Variants in ACSM2B observed in about 807,000 individuals in gnomAD.
ACSM2B encodes the protein acyl-coenzyme A synthetase ACSM2B, mitochondrial.
In ACSM2B, 58 loss-of-function variants were observed where a neutral mutation model predicts 78.6. That is an observed-to-expected ratio of 0.74 (90% CI 0.60 to 0.92). ACSM2B has a LOEUF of 0.92. ACSM2B is among the 40% of genes least tolerant of loss of function. ACSM2B has a pLI of 0.00. For missense variants in ACSM2B, 688 were observed against 711.2 expected (o/e 0.97, Z 0.37); for synonymous variants, 257 against 256.8 (o/e 1.00, Z -0.01).
chr16:20,547,322 G>A (rs1596710421), intron 8 of ACSM2B: 3 of 985,418 alleles, frequency 3.0e-6, no homozygotes, highest in Non-Finnish European at 3.6e-6. Context: ...CATATTTGCA[G>A]AGCTCTTCCT....
At chr16:20,554,248 A>C in intron 4 of ACSM2B, 1 of 477,464 alleles carries the variant, frequency 2.1e-6, no homozygotes, top group Non-Finnish European at 4.0e-6. Flanking sequence ...GAAATGAGCA[A>C]CTTGCTTAGC....
intron 3 of ACSM2B, 121 bp from the exon 4 acceptor site, chr16:20,555,597 A>G (rs1420629433): frequency 2.4e-5 from 36 of 1,500,004 alleles, no homozygotes; most frequent in Non-Finnish European, 3.2e-5. Flanking sequence ...GTAATGACCA[A>G]TGGAGAACGT....
intron 13 of ACSM2B, among the ~76,000 whole-genome samples, chr16:20,537,853 T>A (rs114755219): frequency 0.012 from 1,799 of 152,322 alleles, 43 homozygotes; most frequent in African/African-American, 0.042. Flanking sequence ...TGGATTAATC[T>A]GAGGTCTTTA....
intron 1 of ACSM2B, among the ~76,000 whole-genome samples, chr16:20,568,527 A>G (rs1279273151): frequency 6.6e-6 from 1 of 151,198 alleles, no homozygotes; most frequent in Non-Finnish European, 1.5e-5. Flanking sequence ...GCTGCTATAA[A>G]CATGCATGTG....
At chr16:20,557,411 C>G (rs1245328319) in intron 3 of ACSM2B, among the ~76,000 whole-genome samples, 1 of 150,024 alleles carries the variant, frequency 6.7e-6, no homozygotes, top group African/African-American at 2.4e-5. Flanking sequence ...TAGTTCCCCC[C>G]CAATTGCCTG....
At chr16:20,542,659 T>C (rs1002891221) in intron 12 of ACSM2B, 3 of 488,884 alleles carry the variant, frequency 6.1e-6, no homozygotes, top group East Asian at 3.4e-5. Flanking sequence ...GTTTAGTTTT[T>C]TGAGAAATCA....
intron 10 of ACSM2B, chr16:20,544,927 C>A: frequency 3.6e-6 from 4 of 1,100,096 alleles, no homozygotes; most frequent in South Asian, 5.3e-5. Flanking sequence ...AGTCTAAGGG[C>A]TAACTGAAGA....
chr16:20,569,096 T>G (rs1257759342), intron 1 of ACSM2B, among the ~76,000 whole-genome samples: 2 of 151,992 alleles, frequency 1.3e-5, no homozygotes, highest in Non-Finnish European at 2.9e-5. Context: ...TCTTCATTTT[T>G]GTTGCATTTG....
intron 13 of ACSM2B, among the ~76,000 whole-genome samples, chr16:20,538,700 A>C (rs781005357): frequency 2.0e-4 from 30 of 152,076 alleles, no homozygotes; most frequent in Non-Finnish European, 4.0e-4. Context: ...GGACTCCTTG[A>C]CTCAGCATTC....
At chr16:20,548,892 C>G (rs1360427703) in intron 6 of ACSM2B, among the ~76,000 whole-genome samples, 4 of 152,044 alleles carry the variant, frequency 2.6e-5, no homozygotes, top group African/African-American at 9.7e-5. Context: ...TTGTTTCCAG[C>G]CTTATTTTCC....
chr16:20,562,098 T>C (rs571247998), intron 2 of ACSM2B, among the ~76,000 whole-genome samples: 1 of 152,230 alleles, frequency 6.6e-6, no homozygotes, highest in East Asian at 1.9e-4. Flanking sequence ...TGTACACATA[T>C]TTCTCAGAGA....
chr16:20,575,520 G>T (rs192902799), intron 1 of ACSM2B: 21 of 152,120 alleles, frequency 1.4e-4, no homozygotes, highest in Middle Eastern at 3.4e-3. Flanking sequence ...GATGTTCAAG[G>T]GCAGGAAGCA....
chr16:20,566,328 A>T (rs1161695830), intron 1 of ACSM2B, among the ~76,000 whole-genome samples: 1 of 133,542 alleles, frequency 7.5e-6, no homozygotes, highest in Non-Finnish European at 1.6e-5. Flanking sequence ...TCAGCTTGGA[A>T]TGAAGAAAGG....
intron 4 of ACSM2B, 67 bp from the exon 5 acceptor site, chr16:20,553,987 C>A: frequency 6.2e-7 from 1 of 1,604,986 alleles, no homozygotes; most frequent in East Asian, 2.2e-5. Flanking sequence ...AGTGACCCAT[C>A]TTTTCCCACC....
intron 6 of ACSM2B, among the ~76,000 whole-genome samples, chr16:20,549,132 C>A (rs2015229861): frequency 6.6e-6 from 1 of 152,084 alleles, no homozygotes; most frequent in Admixed American, 6.6e-5. Flanking sequence ...TCCAAGGTCA[C>A]CTAGTCAGCA....
chr16:20,570,977 A>G (rs955689620), intron 1 of ACSM2B, among the ~76,000 whole-genome samples: 9 of 151,374 alleles, frequency 5.9e-5, no homozygotes, highest in Non-Finnish European at 1.3e-4. Flanking sequence ...TTTTTGGTTA[A>G]TCTTCCTAAT....
At chr16:20,559,143 C>T (rs75808894) in intron 3 of ACSM2B, 94 bp downstream of exon 3, 426 of 1,487,792 alleles carry the variant, frequency 2.9e-4, no homozygotes, top group Middle Eastern at 1.1e-3. Context: ...TGCTCCAAGG[C>T]AGAGACTTCT....
rs558588969 is a variant in ACSM2B, at chr16:20,549,340, C to G, written c.895-867G>C. ...TTCTAGGGGCTGGAAAGTCCAAGGT[C>G]AAGAAGCTGCATCTGGTGAGAACCT... On this transcript the variant is annotated intron_variant, in intron 6 of 13. Coordinates refer to ENST00000329697, the MANE Select transcript of ACSM2B (RefSeq NM_001105069.2). Among the ~76,000 whole-genome samples the G allele has an allele frequency of 2.6e-5, 4 of 152,148 alleles. No homozygotes were observed. In the East Asian group the frequency reaches 7.7e-4, roughly 29 times the overall value.
intron 1 of ACSM2B, among the ~76,000 whole-genome samples, chr16:20,567,379 A>T (rs1474098102): frequency 2.7e-4 from 32 of 116,434 alleles, no homozygotes; most frequent in Admixed American, 6.5e-4. Flanking sequence ...TATAATATAT[A>T]GTATAATATT....
Sources: allele counts gnomAD v4.1 joint callset (sites outside exome capture counted in the v4.1 genomes callset), GRCh38; gene constraint gnomAD v4.1.1; transcripts MANE v1.5; gene names NCBI Gene and HGNC (gene_info 2026-07-23, HGNC 2026-07-21).